Variants in ERGIC1 observed in about 807,000 individuals in gnomAD.
ERGIC1 encodes endoplasmic reticulum-Golgi intermediate compartment protein 1.
ERGIC1 carries 19 observed loss-of-function variants against 38.3 expected under a neutral mutation model. The observed-to-expected ratio is 0.50, with a 90% CI of 0.35 to 0.73. The LOEUF (loss-of-function observed/expected upper bound fraction) is 0.73, where lower values mean the gene tolerates loss of function less well. ERGIC1 is among the 30% of genes least tolerant of loss of function. ERGIC1 has a pLI of 0.01. For synonymous variants in ERGIC1, 124 were observed against 157.6 expected (o/e 0.79, Z 1.60); for missense variants, 294 against 389.2 (o/e 0.76, Z 2.06).
chr5:172,900,958 C>T (rs561544622), intron 3 of ERGIC1, among the ~76,000 whole-genome samples: 5 of 152,156 alleles, frequency 3.3e-5, no homozygotes, highest in Non-Finnish European at 5.9e-5. Flanking sequence ...ACAGAGCAAT[C>T]GAGAGGAGAA....
At chr5:172,939,158 CG>C (rs903953085) in intron 9 of ERGIC1, among the ~76,000 whole-genome samples, 1 of 152,194 alleles carries the variant, frequency 6.6e-6, no homozygotes, top group African/African-American at 2.4e-5. Context: ...CACTATGTTC[CG>C]GCCCCCGTAG....
intron 9 of ERGIC1, among the ~76,000 whole-genome samples, chr5:172,938,209 C>A (rs1427937313): frequency 6.6e-6 from 1 of 152,168 alleles, no homozygotes; most frequent in African/African-American, 2.4e-5. Flanking sequence ...CCAAGTGGGT[C>A]TTGGTGCTGA....
At chr5:172,863,923 C>T (rs1327075238) in intron 1 of ERGIC1, among the ~76,000 whole-genome samples, 6 of 152,162 alleles carry the variant, frequency 3.9e-5, no homozygotes, top group Non-Finnish European at 7.4e-5. Flanking sequence ...TGGCCGGGCG[C>T]GGTGGCTCAC....
Position 172,926,443 on chromosome 5 carries a change from C to CAACCAGGGCCA in ERGIC1, c.481-65_481-55dup. The CAACCAGGGCCA allele has an allele frequency of 6.3e-7, 1 of 1,591,928 alleles. No individual in the cohort carries two copies. Among genetic ancestry groups the CAACCAGGGCCA allele is most frequent in the South Asian group, 1.1e-5 (1 of 90,654 alleles). On this transcript the variant is annotated intron_variant, in intron 6 of 9. Transcript: ENST00000393784. The surrounding 1 kb of genome is among the most constrained non-coding windows in gnomAD (Gnocchi z 5.2). Reference sequence around the variant, plus strand: ...CCAGGTGGTACCTGGCCATCCCCCACAACCAGGGCCAGGCCTGGAGGTGGA... The same window carrying CAACCAGGGCCA: ...CCAGGTGGTACCTGGCCATCCCCCACAACCAGGGCCAAACCAGGGCCAGGCCTGGAGGTGGA...
intron 3 of ERGIC1, among the ~76,000 whole-genome samples, chr5:172,908,582 TA>T (rs1056153192): frequency 2.9e-4 from 43 of 149,856 alleles, no homozygotes; most frequent in African/African-American, 1.0e-3. Flanking sequence ...TCTCAAAAAA[TA>T]AAAAAAGAGA....
chr5:172,908,736 A>G (rs189442890), intron 3 of ERGIC1, among the ~76,000 whole-genome samples: 149 of 152,342 alleles, frequency 9.8e-4, no homozygotes, highest in African/African-American at 3.4e-3. Flanking sequence ...TCTGACCTCC[A>G]AAAGCATAAG....
intron 5 of ERGIC1, among the ~76,000 whole-genome samples, chr5:172,918,562 G>C (rs1369226549): frequency 1.3e-5 from 2 of 152,242 alleles, no homozygotes; most frequent in African/African-American, 4.8e-5. Flanking sequence ...CATATGTATA[G>C]ATATCAAAGA....
chr5:172,914,248 A>ATAAAT (rs752157056), intron 4 of ERGIC1, among the ~76,000 whole-genome samples: 4 of 148,770 alleles, frequency 2.7e-5, no homozygotes, highest in African/African-American at 1.0e-4. Flanking sequence ...AAAAAAAAAA[A>ATAAAT]AAAAAAAAAT....
chr5:172,914,257 A>AT (rs1763291814), intron 4 of ERGIC1, among the ~76,000 whole-genome samples: 1 of 138,604 alleles, frequency 7.2e-6, no homozygotes, highest in East Asian at 2.0e-4. Context: ...AAAAAAAAAA[A>AT]TACAAAGACT....
chr5:172,835,560 C>T (rs1408680946), intron 1 of ERGIC1, among the ~76,000 whole-genome samples: 24 of 152,170 alleles, frequency 1.6e-4, no homozygotes, highest in Non-Finnish European at 4.4e-5. Context: ...TTTTCCACAT[C>T]CACAAAATAG....
chr5:172,858,943 A>C (rs574557857), intron 1 of ERGIC1, among the ~76,000 whole-genome samples: 2 of 152,340 alleles, frequency 1.3e-5, no homozygotes, highest in African/African-American at 4.8e-5. Context: ...CTGTGTGGTC[A>C]AAAGCTACAA....
At chr5:172,839,328 GGAGGATTGCTT>G (rs1301516668) in intron 1 of ERGIC1, among the ~76,000 whole-genome samples, 1 of 152,102 alleles carries the variant, frequency 6.6e-6, no homozygotes, top group Admixed American at 6.5e-5. Context: ...GGCCAAAGTG[GGAGGATTGCTT>G]GAGGATTGCA....
At chr5:172,855,763 A>C (rs559817056) in intron 1 of ERGIC1, among the ~76,000 whole-genome samples, 2 of 152,298 alleles carry the variant, frequency 1.3e-5, no homozygotes, top group African/African-American at 4.8e-5. Context: ...GGGCACGGTG[A>C]GGAGTGTGCC....
At chr5:172,838,093 CCCTCTCGGAG>C (rs1356525742) in intron 1 of ERGIC1, among the ~76,000 whole-genome samples, 1 of 152,218 alleles carries the variant, frequency 6.6e-6, no homozygotes, top group Non-Finnish European at 1.5e-5. Context: ...CATTGACTTC[CCCTCTCGGAG>C]CCTCCATTTC....
chr5:172,946,643 G>A lies in ERGIC1; in HGVS notation c.766-4066G>A, dbSNP rs577662092. 5.9e-5 allele frequency among the ~76,000 whole-genome samples: 9 copies of A among 152,212 alleles called. No homozygotes were observed. In the East Asian group the frequency reaches 1.2e-3, roughly 20 times the overall value. Reference sequence around the variant, plus strand: ...GCCATGACCAGCCACTTCCCTGAGCGAGTTCAGGTGTGAGAACGCCCTGGC... The same window carrying A: ...GCCATGACCAGCCACTTCCCTGAGCAAGTTCAGGTGTGAGAACGCCCTGGC... On this transcript the variant is annotated intron_variant, in intron 9 of 9. Transcript: ENST00000393784.
chr5:172,837,941 C>T lies in ERGIC1; in HGVS notation c.20+3508C>T, dbSNP rs555429259. Among the ~76,000 whole-genome samples, 11 of 152,326 alleles carry T rather than the reference C, an allele frequency of 7.2e-5. No individual in the cohort carries two copies. The highest frequency in any genetic ancestry group is 1.6e-4 in the Non-Finnish European group (11 of 68,036). On this transcript the variant is annotated intron_variant, in intron 1 of 9. Transcript: ENST00000393784. The surrounding 1 kb of genome is among the most constrained non-coding windows in gnomAD (Gnocchi z 4.3). ...GGGAAGATAACAGCATCCGGAAGCCCTGTGCCCAGGCCCAGTGGTGCCTGA... is the reference window on the plus strand; with the variant it reads ...GGGAAGATAACAGCATCCGGAAGCCTTGTGCCCAGGCCCAGTGGTGCCTGA...
At chr5:172,932,392 C>T (rs1252309739) in intron 7 of ERGIC1, 44 bp from the exon 8 acceptor site, 2 of 1,592,618 alleles carry the variant, frequency 1.3e-6, no homozygotes, top group Admixed American at 1.7e-5. Context: ...TGTCAGCGGG[C>T]AGTGCCCGTC....
At chr5:172,866,837 A>G in intron 1 of ERGIC1, 1 of 300,012 alleles carries the variant, frequency 3.3e-6, no homozygotes, top group Non-Finnish European at 6.6e-6. Context: ...CTGCATTCTC[A>G]GTGGAGGTTT....
At chr5:172,928,574 A>T (rs983247321) in intron 7 of ERGIC1, among the ~76,000 whole-genome samples, 9 of 152,226 alleles carry the variant, frequency 5.9e-5, no homozygotes, top group African/African-American at 2.2e-4. Context: ...TCTCCCAGTC[A>T]TCTGCTGCCC....
Sources: gnomAD v4.1 joint callset for allele counts (sites outside exome capture counted in the v4.1 genomes callset) on GRCh38, gnomAD v4.1.1 for gene constraint, Gnocchi (gnomAD v3.1) non-coding constraint, MANE v1.5 for transcripts, NCBI Gene and HGNC (gene_info 2026-07-23, HGNC 2026-07-21) for gene names.